Variants in TNFRSF21 observed in about 807,000 individuals in gnomAD.
The protein encoded by TNFRSF21 is TNF receptor superfamily member 21.
TNFRSF21 carries 19 observed loss-of-function variants against 45.6 expected under a neutral mutation model. The observed-to-expected ratio is 0.42, with a 90% CI of 0.29 to 0.61. TNFRSF21 has a LOEUF of 0.61. Ranked by LOEUF, TNFRSF21 falls within the 20% of genes least tolerant of loss-of-function variation. TNFRSF21 has a pLI of 0.23. For synonymous variants in TNFRSF21, 314 were observed against 335.5 expected (o/e 0.94, Z 0.70); for missense variants, 737 against 851.5 (o/e 0.87, Z 1.67).
chr6:47,278,041 C>T (rs1762522646), intron 3 of TNFRSF21, among the ~76,000 whole-genome samples: 1 of 152,208 alleles, frequency 6.6e-6, no homozygotes, highest in African/African-American at 2.4e-5. Flanking sequence ...TCACCCTGCT[C>T]TCCAGTGTCC....
At chr6:47,233,821 T>C in intron 5 of TNFRSF21, among the ~76,000 whole-genome samples, 1 of 151,794 alleles carries the variant, frequency 6.6e-6, no homozygotes, top group East Asian at 1.9e-4. Flanking sequence ...AACTAGAAAA[T>C]TTCTTTAAAA....
At chr6:47,283,863 T>C (rs546996304) in intron 3 of TNFRSF21, 75 bp downstream of exon 3, 1 of 1,539,898 alleles carries the variant, frequency 6.5e-7, no homozygotes, top group East Asian at 2.3e-5. Context: ...CGCATTCCCA[T>C]TCCTTCAGAA....
At chr6:47,304,754 A>T (rs910713020) in intron 1 of TNFRSF21, among the ~76,000 whole-genome samples, 10 of 152,016 alleles carry the variant, frequency 6.6e-5, no homozygotes, top group African/African-American at 2.4e-4. Flanking sequence ...TTTACGAGGA[A>T]TTTTTTTTAT....
chr6:47,299,478 G>A (rs774362275), intron 1 of TNFRSF21, among the ~76,000 whole-genome samples: 1 of 152,116 alleles, frequency 6.6e-6, no homozygotes, highest in Non-Finnish European at 1.5e-5. Context: ...CTGGGGGACA[G>A]AGCGAGACTC....
chr6:47,300,613 CT>C (rs1349702702), intron 1 of TNFRSF21, among the ~76,000 whole-genome samples: 1 of 152,172 alleles, frequency 6.6e-6, no homozygotes, highest in Non-Finnish European at 1.5e-5. Flanking sequence ...GATATGGCCC[CT>C]GCCTGCCTTT....
intron 1 of TNFRSF21, among the ~76,000 whole-genome samples, chr6:47,301,326 A>G (rs748583116): frequency 7.2e-5 from 11 of 152,246 alleles, no homozygotes; most frequent in South Asian, 2.1e-4. Context: ...CTGAAAAACA[A>G]TATTAGCCCT....
intron 3 of TNFRSF21, among the ~76,000 whole-genome samples, chr6:47,263,912 T>A (rs951756577): frequency 1.3e-5 from 2 of 152,242 alleles, no homozygotes; most frequent in African/African-American, 4.8e-5. Flanking sequence ...TTTATACTTA[T>A]AAATTTGAAT....
chr6:47,294,602 A>T (rs961128122), intron 1 of TNFRSF21, among the ~76,000 whole-genome samples: 3 of 152,220 alleles, frequency 2.0e-5, no homozygotes, highest in African/African-American at 7.2e-5. Context: ...GTTTTAACAG[A>T]ACTACAAATG....
At chr6:47,307,361 G>A (rs1279728123) in intron 1 of TNFRSF21, among the ~76,000 whole-genome samples, 2 of 152,090 alleles carry the variant, frequency 1.3e-5, no homozygotes, top group African/African-American at 4.8e-5. Context: ...TTTAGGGTAG[G>A]TTGAGTTTGA....
intron 4 of TNFRSF21, 140 bp downstream of exon 4, chr6:47,253,116 G>T: frequency 1.0e-6 from 1 of 1,000,354 alleles, no homozygotes; most frequent in Non-Finnish European, 1.4e-6. Context: ...GTGTGTGTGT[G>T]TGTGCAGGCG....
chr6:47,234,489 A>G (rs535276147), intron 5 of TNFRSF21, among the ~76,000 whole-genome samples, 181 bp downstream of exon 5: 6 of 152,298 alleles, frequency 3.9e-5, no homozygotes, highest in African/African-American at 1.4e-4. Context: ...TGTCTTCGCC[A>G]GCCAATGGCG....
At chr6:47,278,260 T>A (rs963079081) in intron 3 of TNFRSF21, among the ~76,000 whole-genome samples, 2 of 152,200 alleles carry the variant, frequency 1.3e-5, no homozygotes, top group African/African-American at 2.4e-5. Flanking sequence ...AACATCAGTA[T>A]AAATCAACAA....
intron 3 of TNFRSF21, among the ~76,000 whole-genome samples, chr6:47,260,079 C>T (rs1355778574): frequency 6.6e-6 from 1 of 152,090 alleles, no homozygotes; most frequent in Non-Finnish European, 1.5e-5. Context: ...CTTCCCCTGC[C>T]CCTCCATTTC....
At chr6:47,288,226 A>G (rs1762675437) in intron 1 of TNFRSF21, among the ~76,000 whole-genome samples, 1 of 152,286 alleles carries the variant, frequency 6.6e-6, no homozygotes, top group Non-Finnish European at 1.5e-5. Flanking sequence ...AAATGAACTA[A>G]TACAGCTCCA....
At chr6:47,248,717 C>T (rs1418868719) in intron 4 of TNFRSF21, among the ~76,000 whole-genome samples, 1 of 152,224 alleles carries the variant, frequency 6.6e-6, no homozygotes, top group East Asian at 1.9e-4. Context: ...TGCTCGGCCA[C>T]CTGCTTTCAG....
intron 3 of TNFRSF21, among the ~76,000 whole-genome samples, chr6:47,279,254 T>C (rs1762535431): frequency 6.6e-6 from 1 of 151,878 alleles, no homozygotes; most frequent in Non-Finnish European, 1.5e-5. Context: ...AGAAGGATAA[T>C]AGGAAAGTAG....
At chr6:47,293,225 G>A (rs78801046) in intron 1 of TNFRSF21, among the ~76,000 whole-genome samples, 1,913 of 152,272 alleles carry the variant, frequency 0.013, 24 homozygotes, top group Non-Finnish European at 0.02. Flanking sequence ...AGCAGCTCAA[G>A]GCCAGGGACG....
chr6:47,308,799 C>G (rs545879124), intron 1 of TNFRSF21, among the ~76,000 whole-genome samples: 1 of 152,218 alleles, frequency 6.6e-6, no homozygotes, highest in African/African-American at 2.4e-5. Flanking sequence ...GCATACAGAA[C>G]CTGAGACCCC....
chr6:47,233,304 A>T (rs574772234), intron 5 of TNFRSF21, among the ~76,000 whole-genome samples: 12 of 152,344 alleles, frequency 7.9e-5, no homozygotes, highest in African/African-American at 2.9e-4. Flanking sequence ...TAACTTCTAA[A>T]TTATTTTAGA....
Sources: gnomAD v4.1 joint callset for allele counts (sites outside exome capture counted in the v4.1 genomes callset) on GRCh38, gnomAD v4.1.1 for gene constraint, MANE v1.5 for transcripts, NCBI Gene and HGNC (gene_info 2026-07-23, HGNC 2026-07-21) for gene names.